DPP10: variants seen among roughly 807,000 people sequenced by gnomAD.
The protein encoded by DPP10 is inactive dipeptidyl peptidase 10.
Under a neutral mutation model 120.9 loss-of-function variants are expected in DPP10, and 33 were observed. That is an observed-to-expected ratio of 0.27 (90% CI 0.21 to 0.37). The LOEUF (loss-of-function observed/expected upper bound fraction) is 0.37, where lower values mean the gene tolerates loss of function less well. Ranked by LOEUF, DPP10 falls within the 10% of genes least tolerant of loss-of-function variation. DPP10 has a pLI of 1.00. For synonymous variants in DPP10, 337 were observed against 326.1 expected, an observed-to-expected ratio of 1.03 and a Z score of -0.36; for missense variants, 816 against 942.8, an observed-to-expected ratio of 0.87 and a Z score of 1.76.
At chr2:115,390,552 T>G (rs1451381284) in intron 3 of DPP10, among the ~76,000 whole-genome samples, 1 of 152,156 alleles carries the variant, frequency 6.6e-6, no homozygotes, top group Non-Finnish European at 1.5e-5. Context: ...TGGCCATTTC[T>G]TAAATGATTT....
chr2:115,677,448 G>A (rs956271408), intron 5 of DPP10, among the ~76,000 whole-genome samples: 1 of 150,626 alleles, frequency 6.6e-6, no homozygotes, highest in Non-Finnish European at 1.5e-5. Flanking sequence ...GCATGTAAAT[G>A]ATTTAAATTC....
At chr2:115,010,169 G>A (rs1702158859) in intron 1 of DPP10, among the ~76,000 whole-genome samples, 1 of 152,096 alleles carries the variant, frequency 6.6e-6, no homozygotes, top group Non-Finnish European at 1.5e-5. Flanking sequence ...TGTTATAGGT[G>A]GTGACACACT....
chr2:115,459,103 G>T (rs1293955754), intron 3 of DPP10, among the ~76,000 whole-genome samples: 1 of 151,800 alleles, frequency 6.6e-6, no homozygotes, highest in African/African-American at 2.4e-5. Context: ...TGGTGATTTG[G>T]GTGGACTTAA....
At chr2:115,565,922 A>T (rs569292447) in intron 5 of DPP10, among the ~76,000 whole-genome samples, 2 of 151,716 alleles carry the variant, frequency 1.3e-5, no homozygotes, top group African/African-American at 4.8e-5. Flanking sequence ...TGTAGCTGGG[A>T]TTATAGGCAT....
At chr2:114,662,054 T>C (rs1335901211) in intron 1 of DPP10, among the ~76,000 whole-genome samples, 2 of 149,754 alleles carry the variant, frequency 1.3e-5, no homozygotes, top group Non-Finnish European at 1.5e-5. Flanking sequence ...CCCCGAGGCC[T>C]CAGGTCGGCC....
At chr2:115,068,912 A>G (rs1467876381) in intron 1 of DPP10, among the ~76,000 whole-genome samples, 5 of 152,058 alleles carry the variant, frequency 3.3e-5, no homozygotes, top group Non-Finnish European at 5.9e-5. Flanking sequence ...ATACAATTCC[A>G]TTGGGCTGTA....
At chr2:114,720,284 G>T (rs1701620087) in intron 1 of DPP10, among the ~76,000 whole-genome samples, 2 of 152,068 alleles carry the variant, frequency 1.3e-5, no homozygotes, top group African/African-American at 2.4e-5. Flanking sequence ...ATGAGCACTA[G>T]GTCTCTTTAA....
intron 1 of DPP10, among the ~76,000 whole-genome samples, chr2:115,135,862 T>C (rs2050625987): frequency 6.6e-6 from 1 of 152,170 alleles, no homozygotes; most frequent in East Asian, 1.9e-4. Context: ...TCATGGTTTG[T>C]GATTCTCATG....
chr2:115,728,292 A>T (rs200992589), intron 8 of DPP10, among the ~76,000 whole-genome samples: 64,076 of 131,398 alleles, frequency 0.49, 14,157 homozygotes, highest in African/African-American at 0.57. Flanking sequence ...TATTTCTAAA[A>T]AAAAAAAAAA....
At chr2:115,213,500 A>G (rs2056640908) in intron 1 of DPP10, among the ~76,000 whole-genome samples, 2 of 152,110 alleles carry the variant, frequency 1.3e-5, no homozygotes, top group South Asian at 4.1e-4. Flanking sequence ...CTGACTGATC[A>G]TATACTGCTT....
rs144169480 is a variant in DPP10, at chr2:115,407,690, T to C, written c.271+63778T>C. 5.1e-4 allele frequency among the ~76,000 whole-genome samples: 77 copies of C among 152,230 alleles called. 1 individual carries two copies. The East Asian group carries it at 0.014, about 27-fold the overall frequency. ...GCCCACTGGAAAAAAAAAAATACTT[T>C]TACCTTTTTGCCAGCGTGTTAGGCT... On this transcript the variant is annotated intron_variant, in intron 3 of 25. Transcript: ENST00000410059.
intron 1 of DPP10, among the ~76,000 whole-genome samples, chr2:114,889,626 C>T (rs980789241): frequency 1.7e-4 from 26 of 151,774 alleles, no homozygotes; most frequent in African/African-American, 5.6e-4. Flanking sequence ...ATTTTTTATC[C>T]TCCTATAAAA....
intron 1 of DPP10, among the ~76,000 whole-genome samples, chr2:114,495,984 C>T (rs148224476): frequency 4.8e-4 from 73 of 152,298 alleles, no homozygotes; most frequent in African/African-American, 1.7e-3. Flanking sequence ...AAGACTGATC[C>T]TGATATCATT....
intron 5 of DPP10, among the ~76,000 whole-genome samples, chr2:115,641,243 T>C (rs1418825856): frequency 6.6e-6 from 1 of 152,150 alleles, no homozygotes; most frequent in African/African-American, 2.4e-5. Flanking sequence ...CATCGTCTAC[T>C]CAAAGTTGTT....
chr2:115,814,511 C>T (rs139126528), intron 19 of DPP10, among the ~76,000 whole-genome samples: 6 of 152,160 alleles, frequency 3.9e-5, no homozygotes, highest in Non-Finnish European at 5.9e-5. Context: ...CCATTTTCTT[C>T]ATTTTTCCCC....
intron 3 of DPP10, among the ~76,000 whole-genome samples, chr2:115,374,506 A>G (rs2065642416): frequency 6.6e-6 from 1 of 151,980 alleles, no homozygotes. Context: ...GGTCTGGAGG[A>G]CAGTGGTCTT....
intron 1 of DPP10, among the ~76,000 whole-genome samples, chr2:115,054,048 A>G (rs1351160083): frequency 1.3e-5 from 2 of 152,200 alleles, no homozygotes; most frequent in Admixed American, 6.5e-5. Flanking sequence ...TACAAAAAAT[A>G]TGATTTATTG....
intron 2 of DPP10, among the ~76,000 whole-genome samples, chr2:115,310,616 G>A (rs939700886): frequency 1.3e-5 from 2 of 152,086 alleles, no homozygotes; most frequent in African/African-American, 4.8e-5. Context: ...TGGCTTATCC[G>A]GCATTCTCCC....
intron 1 of DPP10, among the ~76,000 whole-genome samples, chr2:114,544,013 A>G (rs1479928396): frequency 1.3e-5 from 2 of 152,006 alleles, no homozygotes; most frequent in African/African-American, 2.4e-5. Flanking sequence ...TGTTAGGTAT[A>G]TATCAGGGAA....
Sources: gnomAD v4.1 joint callset for allele counts (sites outside exome capture counted in the v4.1 genomes callset) on GRCh38, gnomAD v4.1.1 for gene constraint, MANE v1.5 for transcripts, NCBI Gene and HGNC (gene_info 2026-07-23, HGNC 2026-07-21) for gene names.